Variants in ATP9B observed in about 807,000 individuals in gnomAD.
ATP9B encodes probable phospholipid-transporting ATPase IIB.
ATP9B carries 110 observed loss-of-function variants against 146.1 expected under a neutral mutation model. The ratio of observed to expected loss-of-function variants is 0.75; its 90% CI spans 0.65 to 0.88. The LOEUF (loss-of-function observed/expected upper bound fraction) is 0.88. Among genes scored for constraint, ATP9B ranks in the 40% least tolerant of loss-of-function variants. The pLI is 0.00. For missense variants in ATP9B, 1,499 were observed against 1,496.4 expected (o/e 1.00, Z -0.03); for synonymous variants, 604 against 569.7 (o/e 1.06, Z -0.86).
chr18:79,245,709 T>C (rs76779215), intron 11 of ATP9B, among the ~76,000 whole-genome samples: 51,904 of 117,640 alleles, frequency 0.44, 10,492 homozygotes, highest in Middle Eastern at 0.61. Flanking sequence ...GTGCGGAGGG[T>C]ACCGCCCTAC....
chr18:79,307,197 A>G lies in ATP9B; in HGVS notation c.1736A>G (p.Asp579Gly). ...EFAEADQDFS[D>G]ENRTYQASSP... ...GCAGAGGCTGACCAAGACTTCAGTG[A>G]TGAGAATCGCACCTACCAGGCTTCC... The change falls in exon 15 of 30, where the codon GAT becomes GGT. Residue 579 changes from aspartate to glycine, a missense_variant. Coordinates refer to ENST00000426216, the MANE Select transcript of ATP9B (RefSeq NM_198531.5). 6.2e-7 allele frequency: 1 copy of G among 1,614,258 alleles called. No individual in the cohort carries two copies.
intron 4 of ATP9B, among the ~76,000 whole-genome samples, chr18:79,123,926 TAGTC>T (rs1318889330): frequency 2.0e-5 from 3 of 152,186 alleles, no homozygotes; most frequent in African/African-American, 7.2e-5. Flanking sequence ...TCAACGTCAT[TAGTC>T]AGTAGAGGAA....
rs756784257 is a variant in ATP9B, at chr18:79,154,497, T to A, written c.727-7T>A. The A allele has an allele frequency of 1.3e-6, 2 of 1,535,128 alleles. No individual in the cohort carries two copies. Among genetic ancestry groups the A allele is most frequent in the Non-Finnish European group, 8.7e-7 (1 of 1,148,884 alleles). On this transcript the variant is annotated splice_polypyrimidine_tract_variant and splice_region_variant and intron_variant, in intron 6 of 29. Transcript: ENST00000426216. ...AGATAATTAATCTTTTATAATGCTC[T>A]TTGCAGAATCAAAGAATTCCATCGG...
chr18:79,146,657 G>A, intron 6 of ATP9B: 1 of 261,212 alleles, frequency 3.8e-6, no homozygotes, highest in Non-Finnish European at 7.6e-6. Flanking sequence ...CTGCATATCG[G>A]GGGAGTGCAT....
chr18:79,118,390 G>GGTTTTTTTTTTTTT (rs1555689295), intron 4 of ATP9B, among the ~76,000 whole-genome samples: 3 of 93,278 alleles, frequency 3.2e-5, no homozygotes, highest in African/African-American at 7.8e-5. Context: ...GAACGTTTTT[G>GGTTTTTTTTTTTTT]TTTTTTTTTT....
chr18:79,327,629 G>GCTCTCCGTGTTTAGCA (rs2096760409), intron 15 of ATP9B, among the ~76,000 whole-genome samples: 1 of 142,854 alleles, frequency 7.0e-6, no homozygotes, highest in Non-Finnish European at 1.5e-5. Flanking sequence ...CCTGGTTAGT[G>GCTCTCCGTGTTTAGCA]TGCCCTCCCT....
intron 15 of ATP9B, among the ~76,000 whole-genome samples, chr18:79,322,404 G>T (rs144604352): frequency 6.6e-6 from 1 of 152,182 alleles, no homozygotes; most frequent in Admixed American, 6.5e-5. Context: ...CAAATGTGGG[G>T]CACAGAACCA....
intron 15 of ATP9B, among the ~76,000 whole-genome samples, chr18:79,312,492 G>T (rs115181221): frequency 0.01 from 1,588 of 152,254 alleles, 31 homozygotes; most frequent in African/African-American, 0.036. Flanking sequence ...CTGCCCATTG[G>T]CACGCGGGAC....
intron 6 of ATP9B, among the ~76,000 whole-genome samples, chr18:79,151,828 C>T (rs12964005): frequency 4.6e-5 from 7 of 152,122 alleles, no homozygotes; most frequent in Non-Finnish European, 1.0e-4. Context: ...ACCCATCAAC[C>T]CGTCGTCTAC....
chr18:79,229,619 C>T (rs777101871), intron 11 of ATP9B, among the ~76,000 whole-genome samples: 1 of 152,182 alleles, frequency 6.6e-6, no homozygotes, highest in Non-Finnish European at 1.5e-5. Context: ...TTTCCAGAGG[C>T]GCAGGCGCTC....
chr18:79,241,942 A>G (rs1483161), intron 11 of ATP9B, among the ~76,000 whole-genome samples: 33,458 of 152,150 alleles, frequency 0.22, 4,118 homozygotes, highest in East Asian at 0.47. Flanking sequence ...TGTCACCTGC[A>G]CTTTGGAGTC....
rs2094910073 is a variant in ATP9B, at chr18:79,163,176, C to CT, written c.778+8624dup. Among the ~76,000 whole-genome samples the CT allele has an allele frequency of 2.0e-5, 3 of 152,178 alleles. No individual in the cohort carries two copies. The South Asian group carries it at 6.2e-4, about 31-fold the overall frequency. On this transcript the variant is annotated intron_variant, in intron 7 of 29. Coordinates refer to ENST00000426216, the MANE Select transcript of ATP9B (RefSeq NM_198531.5). Reference sequence around the variant, plus strand: ...TCTTTCTGATTTGCTAGAGTTCATTCTTTCTCTCTTTAAATCACCTCAGTT... The same window carrying CT: ...TCTTTCTGATTTGCTAGAGTTCATTCTTTTCTCTCTTTAAATCACCTCAGTT...
chr18:79,200,066 A>G (rs1251859911), intron 9 of ATP9B, among the ~76,000 whole-genome samples: 1 of 152,224 alleles, frequency 6.6e-6, no homozygotes, highest in African/African-American at 2.4e-5. Flanking sequence ...TTGTTATTTA[A>G]TATTATGTAC....
At position 79,242,401 on chromosome 18, in the gene ATP9B, G is replaced by A. The variant is rs116194509; in HGVS notation, c.1108-10980G>A. Among the ~76,000 whole-genome samples the A allele has an allele frequency of 1.3e-3, 204 of 152,274 alleles. 4 individuals are homozygous for A. The highest frequency in any genetic ancestry group is 4.8e-3 in the African/African-American group (201 of 41,542). On this transcript the variant is annotated intron_variant, in intron 11 of 29. Transcript: ENST00000426216. ...CACTGCACAGCTGATAACCGCAAACGAGAAAGATGTGTATATCAAATAGTT... is the reference window on the plus strand; with the variant it reads ...CACTGCACAGCTGATAACCGCAAACAAGAAAGATGTGTATATCAAATAGTT...
At chr18:79,339,214 A>G (rs115095432) in intron 19 of ATP9B, among the ~76,000 whole-genome samples, 1,132 of 75,720 alleles carry the variant, frequency 0.015, 17 homozygotes, top group African/African-American at 0.056. Context: ...TATCCATCTG[A>G]GATCACAGTA....
intron 7 of ATP9B, among the ~76,000 whole-genome samples, chr18:79,163,224 CTG>C (rs1440519435): frequency 2.6e-5 from 4 of 152,274 alleles, no homozygotes; most frequent in Non-Finnish European, 5.9e-5. Context: ...GTATTTTTAA[CTG>C]TACTTAACTT....
At chr18:79,244,745 C>T (rs1253268713) in intron 11 of ATP9B, among the ~76,000 whole-genome samples, 3 of 152,098 alleles carry the variant, frequency 2.0e-5, no homozygotes, top group Non-Finnish European at 4.4e-5. Flanking sequence ...AGATACCTCC[C>T]AGAAGAAAGA....
intron 11 of ATP9B, among the ~76,000 whole-genome samples, chr18:79,252,616 C>T (rs2096038013): frequency 6.6e-6 from 1 of 152,174 alleles, no homozygotes; most frequent in Non-Finnish European, 1.5e-5. Flanking sequence ...TTCCAAGATC[C>T]TATACAGAAT....
intron 8 of ATP9B, among the ~76,000 whole-genome samples, chr18:79,183,921 T>C (rs958634336): frequency 3.3e-5 from 5 of 152,124 alleles, no homozygotes; most frequent in Non-Finnish European, 7.4e-5. Context: ...TTTCTCAACA[T>C]CAGGGTATCA....
Sources: allele counts gnomAD v4.1 joint callset (sites outside exome capture counted in the v4.1 genomes callset), GRCh38; gene constraint gnomAD v4.1.1; transcripts MANE v1.5; gene names NCBI Gene and HGNC (gene_info 2026-07-23, HGNC 2026-07-21).